SND1: variants seen among roughly 807,000 people sequenced by gnomAD.
SND1 encodes the protein staphylococcal nuclease domain-containing protein 1.
A neutral mutation model predicts 121.7 loss-of-function variants in SND1; 38 were observed. The observed-to-expected ratio is 0.31, with a 90% CI of 0.24 to 0.41. SND1 has a LOEUF of 0.41. Ranked by LOEUF, SND1 falls within the 10% of genes least tolerant of loss-of-function variation. The pLI is 1.00. For missense variants in SND1, 868 were observed against 1,184.6 expected, an observed-to-expected ratio of 0.73 and a Z score of 3.92; for synonymous variants, 401 against 447.4, an observed-to-expected ratio of 0.90 and a Z score of 1.31.
chr7:127,947,625 C>T (rs1801357204), intron 15 of SND1, among the ~76,000 whole-genome samples: 1 of 152,196 alleles, frequency 6.6e-6, no homozygotes, highest in Non-Finnish European at 1.5e-5. Flanking sequence ...CAACTAGTAC[C>T]TGAGGACTCT....
chr7:127,774,534 G>C (rs1210991253), intron 10 of SND1, among the ~76,000 whole-genome samples: 1 of 151,618 alleles, frequency 6.6e-6, no homozygotes, highest in African/African-American at 2.4e-5. Flanking sequence ...CATGGAACAC[G>C]CTGTAGTCAC....
Position 128,085,859 on chromosome 7 carries a change from G to T in SND1, c.2304+79G>T. On this transcript the variant is annotated intron_variant, in intron 20 of 23. Transcript: ENST00000354725. The surrounding 1 kb of genome is among the most constrained non-coding windows in gnomAD (Gnocchi z 4.4). ...AGTCAAATCCATCTGATCTCTCCAA[G>T]GTCCCTCTGAGCTTACCAATAGAAC... 8.1e-7 allele frequency: 1 copy of T among 1,230,792 alleles called. No individual in the cohort carries two copies. Among genetic ancestry groups the T allele is most frequent in the South Asian group, 1.2e-5 (1 of 81,728 alleles). 76.2% of individuals were successfully genotyped at this position (1,230,792 alleles called of 1,614,324 possible).
In SND1 at chr7:128,022,901, C is replaced by G. The variant is rs1022540547; in HGVS notation, c.1779+31845C>G. Among the ~76,000 whole-genome samples, 9 of 152,226 alleles carry G rather than the reference C, an allele frequency of 5.9e-5. No individual in the cohort carries two copies. In the South Asian group the frequency reaches 1.9e-3, roughly 32 times the overall value. ...GCCCAAGTACTGACAGCAAAGCTGG[C>G]GTGTACCAGAGGATAAAACCTGTGA... is the stretch of plus-strand genomic sequence containing the variant. On this transcript the variant is annotated intron_variant, in intron 16 of 23. Transcript: ENST00000354725.
chr7:127,788,584 C>T (rs572303299), intron 10 of SND1, among the ~76,000 whole-genome samples: 8 of 152,318 alleles, frequency 5.3e-5, no homozygotes, highest in South Asian at 4.1e-4. Context: ...TAATCATGTA[C>T]ATTTGATCAA....
chr7:127,992,530 A>G (rs1228705156), intron 16 of SND1, among the ~76,000 whole-genome samples: 1 of 152,242 alleles, frequency 6.6e-6, no homozygotes, highest in East Asian at 1.9e-4. Flanking sequence ...TGAAGGATGC[A>G]GCAACAGACT....
At chr7:128,089,398 G>A in intron 21 of SND1, 91 bp from the exon 22 acceptor site, 2 of 1,309,610 alleles carry the variant, frequency 1.5e-6, no homozygotes, top group Admixed American at 2.0e-5. Flanking sequence ...GGCCCCTGCT[G>A]GCCAGACTTT....
At chr7:127,937,026 C>G (rs1801074943) in intron 15 of SND1, among the ~76,000 whole-genome samples, 1 of 151,996 alleles carries the variant, frequency 6.6e-6, no homozygotes, top group Non-Finnish European at 1.5e-5. Context: ...AGGCATGGTG[C>G]CTGTAAACCA....
intron 14 of SND1, among the ~76,000 whole-genome samples, chr7:127,908,853 C>T (rs1800399611): frequency 1.3e-5 from 2 of 152,140 alleles, no homozygotes; most frequent in African/African-American, 2.4e-5. Flanking sequence ...AATACAATCT[C>T]CTGCAGATAC....
intron 10 of SND1, among the ~76,000 whole-genome samples, chr7:127,756,421 G>T (rs926570450): frequency 1.3e-5 from 2 of 152,232 alleles, no homozygotes; most frequent in South Asian, 2.1e-4. Context: ...GCCAAGCTCT[G>T]TAAGTGTGTT....
chr7:127,841,826 AG>A (rs1416320425), intron 11 of SND1, among the ~76,000 whole-genome samples: 1 of 152,172 alleles, frequency 6.6e-6, no homozygotes. Flanking sequence ...TGAGTTTTAT[AG>A]TAGTTGTTAA....
chr7:127,893,635 C>T (rs1325693040), intron 13 of SND1, among the ~76,000 whole-genome samples: 4 of 152,058 alleles, frequency 2.6e-5, no homozygotes, highest in Admixed American at 2.6e-4. Flanking sequence ...AATTTAGATT[C>T]AGTCTGGTCA....
At chr7:128,053,569 T>C (rs1280103124) in intron 16 of SND1, among the ~76,000 whole-genome samples, 1 of 152,042 alleles carries the variant, frequency 6.6e-6, no homozygotes, top group Non-Finnish European at 1.5e-5. Flanking sequence ...AGAAGTGAGA[T>C]ACCTGGGCAA....
At chr7:127,916,072 A>G (rs1357500184) in intron 14 of SND1, among the ~76,000 whole-genome samples, 2 of 151,502 alleles carry the variant, frequency 1.3e-5, no homozygotes, top group African/African-American at 4.9e-5. Context: ...ATAGAGAGAG[A>G]GAGAGTTAGC....
chr7:128,090,538 A>T (rs1793761023), intron 22 of SND1, among the ~76,000 whole-genome samples: 1 of 152,218 alleles, frequency 6.6e-6, no homozygotes, highest in South Asian at 2.1e-4. Context: ...GTCTCCTGGC[A>T]GAAAGTGATG....
chr7:127,748,389 T>A (rs1454569865), intron 10 of SND1, among the ~76,000 whole-genome samples: 1 of 152,222 alleles, frequency 6.6e-6, no homozygotes, highest in Non-Finnish European at 1.5e-5. Context: ...ATCAGATTAA[T>A]CAGGTGTATG....
chr7:127,912,645 G>C (rs76919935), intron 14 of SND1, among the ~76,000 whole-genome samples: 9,006 of 152,044 alleles, frequency 0.059, 777 homozygotes, highest in African/African-American at 0.19. Flanking sequence ...TCATTAATTA[G>C]TGGGGTTAAA....
chr7:128,075,028 C>T (rs575590842), intron 17 of SND1, among the ~76,000 whole-genome samples: 250 of 152,370 alleles, frequency 1.6e-3, no homozygotes, highest in Non-Finnish European at 2.0e-3. Flanking sequence ...CCCTCCCTCC[C>T]CAGCCCTGAC....
chr7:127,660,938 C>CAA (rs776473290), intron 1 of SND1, among the ~76,000 whole-genome samples: 1 of 151,198 alleles, frequency 6.6e-6, no homozygotes, highest in Non-Finnish European at 1.5e-5. Context: ...GGTCTATTTT[C>CAA]AAAAAAAAGC....
chr7:127,901,202 G>A (rs554834170), intron 13 of SND1, among the ~76,000 whole-genome samples: 1 of 152,302 alleles, frequency 6.6e-6, no homozygotes, highest in East Asian at 1.9e-4. Context: ...GAACCCCACT[G>A]AGAAGTGGTA....
Sources: gnomAD v4.1 joint callset for allele counts (sites outside exome capture counted in the v4.1 genomes callset) on GRCh38, gnomAD v4.1.1 for gene constraint, Gnocchi (gnomAD v3.1) non-coding constraint, MANE v1.5 for transcripts, NCBI Gene and HGNC (gene_info 2026-07-23, HGNC 2026-07-21) for gene names.